The following ADGRL3 variants were observed in gnomAD, a reference collection of about 807,000 sequenced individuals.
The protein encoded by ADGRL3 is adhesion G protein-coupled receptor L3, also known as calcium-independent alpha-latrotoxin receptor 3.
In ADGRL3, 62 loss-of-function variants were observed where a neutral mutation model predicts 153.5. The ratio of observed to expected loss-of-function variants is 0.40; its 90% CI spans 0.33 to 0.50. The LOEUF is 0.50. ADGRL3 is among the 20% of genes least tolerant of loss of function. The pLI is 0.47. For missense variants in ADGRL3, 1,641 were observed against 1,859.4 expected (o/e 0.88, Z 2.16); for synonymous variants, 710 against 672.5 (o/e 1.06, Z -0.86).
rs112297408 is a variant in ADGRL3, at chr4:61,914,158, G to C, written c.2112+1401G>C. ...TACTCTCGTTCTGGAAATGTATACT[G>C]ATCACTTTGATTGGATTTGGTGTCT... On this transcript the variant is annotated intron_variant, in intron 13 of 26. Coordinates refer to ENST00000683033, the MANE Select transcript of ADGRL3 (RefSeq NM_001387552.1). Among the ~76,000 whole-genome samples, 463 of 152,204 alleles carry C rather than the reference G, an allele frequency of 3.0e-3. 4 individuals carry two copies. Among genetic ancestry groups the C allele is most frequent in the African/African-American group, 0.01 (436 of 41,550 alleles).
chr4:61,862,083 A>G (rs2098346326), intron 9 of ADGRL3, among the ~76,000 whole-genome samples: 1 of 152,232 alleles, frequency 6.6e-6, no homozygotes, highest in Non-Finnish European at 1.5e-5. Context: ...TTAAGGACAG[A>G]CAAGATTGTA....
intron 8 of ADGRL3, among the ~76,000 whole-genome samples, 175 bp from the exon 9 acceptor site, chr4:61,813,626 CACTGCTTT>C (rs1325766514): frequency 3.3e-5 from 5 of 152,046 alleles, no homozygotes; most frequent in African/African-American, 1.2e-4. Context: ...GTTGGAAAAG[CACTGCTTT>C]AATTGGGTGA....
chr4:61,793,595 A>G (rs977464566), intron 8 of ADGRL3, among the ~76,000 whole-genome samples: 21 of 151,938 alleles, frequency 1.4e-4, no homozygotes, highest in African/African-American at 4.8e-4. Context: ...ACACAGCCAA[A>G]CCATGTCAGG....
chr4:61,788,225 A>G (rs182377401), intron 8 of ADGRL3, among the ~76,000 whole-genome samples: 16 of 152,292 alleles, frequency 1.1e-4, no homozygotes, highest in African/African-American at 3.1e-4. Context: ...TACTGCAAGC[A>G]CAACCAGCAT....
chr4:61,451,914 T>G (rs1035526902), intron 2 of ADGRL3, among the ~76,000 whole-genome samples: 3 of 152,190 alleles, frequency 2.0e-5, no homozygotes, highest in African/African-American at 4.8e-5. Flanking sequence ...ATAAAGGGCT[T>G]TTGCTACAAT....
At chr4:61,750,647 G>T (rs190017560) in intron 8 of ADGRL3, among the ~76,000 whole-genome samples, 1 of 151,914 alleles carries the variant, frequency 6.6e-6, no homozygotes, top group African/African-American at 2.4e-5. Flanking sequence ...AAATTTAGCC[G>T]GGCGTAGTGG....
chr4:61,292,096 T>C (rs1219355552), intron 1 of ADGRL3, among the ~76,000 whole-genome samples: 3 of 151,240 alleles, frequency 2.0e-5, no homozygotes, highest in Non-Finnish European at 4.4e-5. Flanking sequence ...TGGTATAAGG[T>C]TTGTAGGGTC....
chr4:61,706,217 C>T (rs968819122), intron 6 of ADGRL3, among the ~76,000 whole-genome samples: 2 of 151,918 alleles, frequency 1.3e-5, no homozygotes, highest in African/African-American at 4.8e-5. Flanking sequence ...GTCAGGAGTT[C>T]GAGACCAGCC....
At chr4:61,545,544 C>T (rs2148704670) in intron 4 of ADGRL3, among the ~76,000 whole-genome samples, 1 of 152,312 alleles carries the variant, frequency 6.6e-6, no homozygotes, top group African/African-American at 2.4e-5. Flanking sequence ...CTCTGAGTCT[C>T]ACTCTGTTGC....
chr4:61,629,721 C>CAAAAAAAAAA (rs59504485), intron 5 of ADGRL3, among the ~76,000 whole-genome samples: 3 of 33,446 alleles, frequency 9.0e-5, no homozygotes, highest in African/African-American at 2.6e-4. Flanking sequence ...CGTCTCGGGG[C>CAAAAAAAAAA]AAAAAAAAAA....
At chr4:61,444,587 C>G (rs539530898) in intron 2 of ADGRL3, among the ~76,000 whole-genome samples, 1 of 152,252 alleles carries the variant, frequency 6.6e-6, no homozygotes, top group African/African-American at 2.4e-5. Context: ...CCTCTTCTCC[C>G]ATGCTCTGTT....
At chr4:61,507,852 C>T (rs1278493066) in intron 3 of ADGRL3, among the ~76,000 whole-genome samples, 4 of 152,150 alleles carry the variant, frequency 2.6e-5, no homozygotes, top group African/African-American at 9.7e-5. Flanking sequence ...TTTGCCCACA[C>T]ATTAGTTACA....
intron 3 of ADGRL3, among the ~76,000 whole-genome samples, chr4:61,497,820 A>G (rs764194401): frequency 6.6e-5 from 10 of 151,758 alleles, no homozygotes; most frequent in African/African-American, 9.7e-5. Flanking sequence ...CACCGCGCCC[A>G]GCCCATAATG....
intron 9 of ADGRL3, among the ~76,000 whole-genome samples, chr4:61,889,230 T>C (rs1156337037): frequency 1.3e-5 from 2 of 152,180 alleles, no homozygotes; most frequent in Non-Finnish European, 2.9e-5. Context: ...AGAAATAACA[T>C]CCAAGCTAAG....
chr4:61,290,022 A>G (rs2094111170), intron 1 of ADGRL3, among the ~76,000 whole-genome samples: 1 of 152,126 alleles, frequency 6.6e-6, no homozygotes, highest in South Asian at 2.1e-4. Context: ...CTTAAACGTA[A>G]AGTTGTATCT....
At chr4:61,662,067 C>CG (rs1561021094) in intron 5 of ADGRL3, among the ~76,000 whole-genome samples, 2 of 152,190 alleles carry the variant, frequency 1.3e-5, no homozygotes, top group Non-Finnish European at 2.9e-5. Context: ...CAGCTACAGT[C>CG]GGGGAGGCAA....
Position 61,732,980 on chromosome 4 carries a change from T to C in ADGRL3, c.825T>C (p.Asp275=). 1.9e-6 allele frequency: 3 copies of C among 1,613,754 alleles called. No individual in the cohort carries two copies. Among genetic ancestry groups the C allele is most frequent in the Non-Finnish European group, 2.5e-6 (3 of 1,179,812 alleles). The part of the protein sequence containing the change: ...TTTYKLPHRV[D]GTGFVVYDGA... ...CCTACAAGCTCCCTCACAGGGTGGA[T>C]GGCACAGGATTTGTAGTGTATGATG... The change falls in exon 8 of 27, where the codon GAT becomes GAC. Residue 275 remains aspartate (D), a synonymous_variant. Coordinates refer to ENST00000683033, the MANE Select transcript of ADGRL3 (RefSeq NM_001387552.1).
At chr4:61,616,538 T>A (rs1227251991) in intron 5 of ADGRL3, among the ~76,000 whole-genome samples, 1 of 152,142 alleles carries the variant, frequency 6.6e-6, no homozygotes, top group Admixed American at 6.6e-5. Flanking sequence ...GCTTGATTAG[T>A]TGAAGATTAA....
intron 1 of ADGRL3, among the ~76,000 whole-genome samples, chr4:61,343,096 A>G (rs906387866): frequency 1.3e-5 from 2 of 152,142 alleles, no homozygotes; most frequent in African/African-American, 4.8e-5. Flanking sequence ...GTATGGAGAA[A>G]CTGCCTCCAT....
Sources: gnomAD v4.1 joint callset for allele counts (sites outside exome capture counted in the v4.1 genomes callset) on GRCh38, gnomAD v4.1.1 for gene constraint, MANE v1.5 for transcripts, NCBI Gene and HGNC (gene_info 2026-07-23, HGNC 2026-07-21) for gene names.